The following LOC400499 variants were observed in gnomAD, a reference collection of about 807,000 sequenced individuals.
the LOC400499 span, among the ~76,000 whole-genome samples, chr16:11,434,786 G>A: frequency 1.3e-5 from 2 of 152,164 alleles, no homozygotes; most frequent in African/African-American, 2.4e-5. Context: ...AGAAGGGCGA[G>A]TGGTCCCAGA....
the LOC400499 span, chr16:11,412,789 C>T: frequency 2.5e-6 from 1 of 398,704 alleles, no homozygotes; most frequent in Non-Finnish European, 4.4e-6. Context: ...ACAGCAGGTA[C>T]CCAGTCAATG....
the LOC400499 span, chr16:11,487,221 GGA>G: frequency 2.5e-6 from 1 of 398,804 alleles, no homozygotes; most frequent in African/African-American, 2.1e-5. Flanking sequence ...CCCAAGTCTA[GGA>G]GAGGCCCTGC....
the LOC400499 span, chr16:11,399,676 C>A: frequency 2.5e-6 from 1 of 398,710 alleles, no homozygotes; most frequent in Non-Finnish European, 4.4e-6. Flanking sequence ...CCCCCTCACT[C>A]GGTGCAGCGG....
chr16:11,393,428 G>T, the LOC400499 span: 2 of 1,232,278 alleles, frequency 1.6e-6, no homozygotes, highest in Non-Finnish European at 2.0e-6. Flanking sequence ...GACAGCTTGG[G>T]GCCCGGAACA....
the LOC400499 span, among the ~76,000 whole-genome samples, chr16:11,375,759 C>T: frequency 7.0e-5 from 8 of 114,328 alleles, no homozygotes; most frequent in African/African-American, 1.3e-4. Context: ...AGATGGAGTT[C>T]GCTCTTGTTG....
chr16:11,432,911 T>C, the LOC400499 span, among the ~76,000 whole-genome samples: 25 of 152,350 alleles, frequency 1.6e-4, no homozygotes, highest in East Asian at 4.8e-3. Context: ...GGCATGAATT[T>C]TGTTTACTGA....
At chr16:11,515,603 T>G in the LOC400499 span, among the ~76,000 whole-genome samples, 8 of 134,574 alleles carry the variant, frequency 5.9e-5, no homozygotes, top group East Asian at 2.2e-4. Context: ...GGAGAGGAGG[T>G]AAAGGAAGGA....
chr16:11,446,941 C>T, the LOC400499 span: 1 of 1,518,000 alleles, frequency 6.6e-7, no homozygotes, highest in Non-Finnish European at 8.8e-7. Context: ...CAGGCCAAAG[C>T]CATTAAAGCA....
the LOC400499 span, among the ~76,000 whole-genome samples, chr16:11,390,963 G>A: frequency 1.3e-5 from 2 of 152,328 alleles, no homozygotes; most frequent in South Asian, 4.1e-4. Context: ...ACTGGCCCTG[G>A]TTCTCCCTAG....
At chr16:11,434,697 G>A in the LOC400499 span, among the ~76,000 whole-genome samples, 2 of 152,180 alleles carry the variant, frequency 1.3e-5, no homozygotes, top group African/African-American at 4.8e-5. Context: ...ATGCTCACTG[G>A]CCCTGGCTTG....
At chr16:11,411,111 T>C in the LOC400499 span, 1 of 396,848 alleles carries the variant, frequency 2.5e-6, no homozygotes, top group African/African-American at 2.1e-5. Flanking sequence ...TTTCCGAGGG[T>C]TGCCCACCGG....
At chr16:11,402,912 C>A in the LOC400499 span, among the ~76,000 whole-genome samples, 1 of 152,102 alleles carries the variant, frequency 6.6e-6, no homozygotes, top group Non-Finnish European at 1.5e-5. Flanking sequence ...GTGCCCTGTG[C>A]CCCCTCGGAA....
At chr16:11,404,813 A>G in the LOC400499 span, 3 of 398,880 alleles carry the variant, frequency 7.5e-6, no homozygotes, top group African/African-American at 4.1e-5. Flanking sequence ...CACGGGTCCC[A>G]TGAGCTCGCT....
chr16:11,495,163 T>C, the LOC400499 span, among the ~76,000 whole-genome samples: 5 of 151,258 alleles, frequency 3.3e-5, no homozygotes, highest in South Asian at 4.2e-4. Context: ...GAGCTGAGAT[T>C]GTACCACTGC....
At chr16:11,382,056 C>T in the LOC400499 span, among the ~76,000 whole-genome samples, 1 of 152,022 alleles carries the variant, frequency 6.6e-6, no homozygotes, top group Non-Finnish European at 1.5e-5. Context: ...CCTGCCTCAG[C>T]CTTCATAGTT....
At chr16:11,400,363 C>T in the LOC400499 span, among the ~76,000 whole-genome samples, 2 of 152,208 alleles carry the variant, frequency 1.3e-5, no homozygotes, top group Non-Finnish European at 2.9e-5. Context: ...GCCGCCTCCC[C>T]CATGAGGCTC....
the LOC400499 span, chr16:11,387,062 G>T: frequency 9.8e-6 from 12 of 1,221,818 alleles, no homozygotes; most frequent in Non-Finnish European, 1.2e-5. Flanking sequence ...TGCCCAGGAG[G>T]CAGGGGGCTC....
At chr16:11,465,324 A>C in the LOC400499 span, 1 of 152,152 alleles carries the variant, frequency 6.6e-6, no homozygotes, top group Admixed American at 6.6e-5. Flanking sequence ...ACAGGGTTTC[A>C]CCATCTTGGC....
the LOC400499 span, among the ~76,000 whole-genome samples, chr16:11,482,945 A>G: frequency 6.6e-6 from 1 of 152,202 alleles, no homozygotes; most frequent in Non-Finnish European, 1.5e-5. Context: ...TGGAGTATAG[A>G]AAGAATTCTC....
Sources: gnomAD v4.1 joint callset for allele counts (sites outside exome capture counted in the v4.1 genomes callset) on GRCh38, gnomAD v4.1.1 for gene constraint, MANE v1.5 for transcripts.